Variants in GABBR2 observed in about 807,000 individuals in gnomAD.
GABBR2 encodes G-protein coupled receptor 51.
In GABBR2, 23 loss-of-function variants were observed where a neutral mutation model predicts 105.6. The ratio of observed to expected loss-of-function variants is 0.22; its 90% CI spans 0.16 to 0.31. The LOEUF is 0.31. Ranked by LOEUF, GABBR2 falls within the 10% of genes least tolerant of loss-of-function variation. The pLI, the probability that GABBR2 is intolerant of heterozygous loss-of-function variation, is 1.00. For missense variants in GABBR2, 734 were observed against 1,245.5 expected (o/e 0.59, Z 6.18); for synonymous variants, 478 against 499.7 (o/e 0.96, Z 0.58).
intron 4 of GABBR2, among the ~76,000 whole-genome samples, chr9:98,485,854 C>T (rs1359042956): frequency 2.6e-5 from 4 of 152,174 alleles, no homozygotes; most frequent in African/African-American, 9.7e-5. Context: ...TGGAGAACTG[C>T]CCTCAGCTAA....
intron 7 of GABBR2, among the ~76,000 whole-genome samples, chr9:98,443,459 T>G (rs888513540): frequency 2.0e-5 from 3 of 152,236 alleles, no homozygotes; most frequent in Admixed American, 6.5e-5. Context: ...TTTCCTGTGC[T>G]GTACATTGTC....
intron 13 of GABBR2, among the ~76,000 whole-genome samples, chr9:98,348,856 T>C (rs1218769318): frequency 6.6e-6 from 1 of 152,190 alleles, no homozygotes; most frequent in African/African-American, 2.4e-5. Flanking sequence ...ATATATAAGA[T>C]CATATCATCT....
At chr9:98,483,973 G>A (rs551592040) in intron 4 of GABBR2, among the ~76,000 whole-genome samples, 17 of 152,306 alleles carry the variant, frequency 1.1e-4, no homozygotes, top group African/African-American at 2.2e-4. Context: ...TTGAATGCAC[G>A]ATGAAGTGAA....
chr9:98,578,129 G>A (rs1828947357), intron 1 of GABBR2, 57 bp from the exon 2 acceptor site: 2 of 1,588,242 alleles, frequency 1.3e-6, no homozygotes, highest in Admixed American at 1.7e-5. Flanking sequence ...TTCCCCAGGG[G>A]CATGAGCCCA....
intron 2 of GABBR2, among the ~76,000 whole-genome samples, chr9:98,544,749 C>T (rs1828369562): frequency 6.6e-6 from 1 of 152,190 alleles, no homozygotes; most frequent in South Asian, 2.1e-4. Flanking sequence ...TATGTGCAGA[C>T]AGACATGCAC....
chr9:98,645,140 A>G (rs1411847690), intron 1 of GABBR2, among the ~76,000 whole-genome samples: 2 of 152,158 alleles, frequency 1.3e-5, no homozygotes, highest in Non-Finnish European at 2.9e-5. Context: ...CTTGTTGCCT[A>G]CCTGTAGGGA....
At chr9:98,523,190 GA>G (rs1459563191) in intron 3 of GABBR2, among the ~76,000 whole-genome samples, 2 of 152,138 alleles carry the variant, frequency 1.3e-5, no homozygotes, top group Non-Finnish European at 2.9e-5. Flanking sequence ...TAAGAAATTA[GA>G]AGAAGAATGG....
At chr9:98,526,154 T>G (rs902865984) in intron 3 of GABBR2, among the ~76,000 whole-genome samples, 1 of 152,166 alleles carries the variant, frequency 6.6e-6, no homozygotes, top group Non-Finnish European at 1.5e-5. Context: ...GGTATGTGAA[T>G]TTTTTCCCAA....
At chr9:98,342,081 A>G (rs10760268) in intron 13 of GABBR2, among the ~76,000 whole-genome samples, 55,260 of 151,974 alleles carry the variant, frequency 0.36, 10,932 homozygotes, top group East Asian at 0.53. Context: ...ACACAGACAG[A>G]CAATGATCAG....
chr9:98,580,041 A>G (rs1299696028), intron 1 of GABBR2, among the ~76,000 whole-genome samples: 1 of 152,198 alleles, frequency 6.6e-6, no homozygotes, highest in East Asian at 1.9e-4. Context: ...ACTCCTTATC[A>G]CAATGGAAGC....
At chr9:98,373,850 C>A (rs192788563) in intron 11 of GABBR2, among the ~76,000 whole-genome samples, 2 of 135,232 alleles carry the variant, frequency 1.5e-5, no homozygotes, top group African/African-American at 6.0e-5. Flanking sequence ...GCAAAGCATT[C>A]CTTTTTTTTT....
intron 3 of GABBR2, among the ~76,000 whole-genome samples, chr9:98,525,487 T>A (rs1418214279): frequency 5.9e-5 from 9 of 152,172 alleles, no homozygotes; most frequent in African/African-American, 1.9e-4. Context: ...ATGGTTATAA[T>A]CTCTTCTAAA....
At chr9:98,294,908 A>G (rs1373503010) in intron 17 of GABBR2, among the ~76,000 whole-genome samples, 1 of 152,226 alleles carries the variant, frequency 6.6e-6, no homozygotes, top group Non-Finnish European at 1.5e-5. Context: ...TGTGATTCAA[A>G]TTCTCTCAAC....
intron 2 of GABBR2, among the ~76,000 whole-genome samples, chr9:98,550,273 G>T (rs1828466263): frequency 6.6e-6 from 1 of 152,130 alleles, no homozygotes; most frequent in Non-Finnish European, 1.5e-5. Context: ...AAGCAAATTG[G>T]GGCGAAAGCA....
rs562903500 is a variant in GABBR2, at chr9:98,440,720, G to C, written c.1236+13261C>G. On this transcript the variant is annotated intron_variant, in intron 7 of 18. Transcript: ENST00000259455. Reference sequence around the variant, plus strand: ...GTCCTTCTCTCCATCACGCAGGTCTGGTTCTCATCCACGTGAGCACAGAGT... The same window carrying C: ...GTCCTTCTCTCCATCACGCAGGTCTCGTTCTCATCCACGTGAGCACAGAGT... 3.9e-5 allele frequency among the ~76,000 whole-genome samples: 6 copies of C among 152,328 alleles called. No homozygotes were observed. The South Asian group carries it at 1.2e-3, about 32-fold the overall frequency.
At chr9:98,435,256 A>G (rs990856675) in intron 7 of GABBR2, among the ~76,000 whole-genome samples, 4 of 152,182 alleles carry the variant, frequency 2.6e-5, no homozygotes, top group African/African-American at 9.7e-5. Context: ...AGTATGCAAA[A>G]TACTGTAGAA....
intron 1 of GABBR2, among the ~76,000 whole-genome samples, chr9:98,665,096 GTTT>G (rs1830316011): frequency 6.6e-6 from 1 of 151,916 alleles, no homozygotes; most frequent in Non-Finnish European, 1.5e-5. Flanking sequence ...ATGAGACTCT[GTTT>G]CTACATAAAA....
At chr9:98,448,565 T>A (rs1826177092) in intron 7 of GABBR2, among the ~76,000 whole-genome samples, 1 of 152,080 alleles carries the variant, frequency 6.6e-6, no homozygotes, top group African/African-American at 2.4e-5. Flanking sequence ...TACAGGCACC[T>A]GCCACCATGC....
chr9:98,527,680 C>T (rs1827986541), intron 3 of GABBR2, among the ~76,000 whole-genome samples: 1 of 151,958 alleles, frequency 6.6e-6, no homozygotes, highest in Admixed American at 6.6e-5. Flanking sequence ...AAGAAAATGA[C>T]AAAACTTTGC....
Sources: gnomAD v4.1 joint callset for allele counts (sites outside exome capture counted in the v4.1 genomes callset) on GRCh38, gnomAD v4.1.1 for gene constraint, MANE v1.5 for transcripts, NCBI Gene and HGNC (gene_info 2026-07-23, HGNC 2026-07-21) for gene names.